SORCS3: variants seen among roughly 807,000 people sequenced by gnomAD.
SORCS3 encodes VPS10 domain-containing receptor SorCS3.
Under a neutral mutation model 146.3 loss-of-function variants are expected in SORCS3, and 57 were observed. The ratio of observed to expected loss-of-function variants is 0.39; its 90% CI spans 0.31 to 0.49. The LOEUF (loss-of-function observed/expected upper bound fraction) is 0.49. SORCS3 is among the 20% of genes least tolerant of loss of function. The pLI, the probability that SORCS3 is intolerant of heterozygous loss-of-function variation, is 0.92. For missense variants in SORCS3, 1,341 were observed against 1,575.5 expected (o/e 0.85, Z 2.52); for synonymous variants, 653 against 618.5 (o/e 1.06, Z -0.83).
intron 8 of SORCS3, among the ~76,000 whole-genome samples, chr10:105,145,699 C>CT (rs940527054): frequency 6.6e-5 from 10 of 152,124 alleles, no homozygotes; most frequent in Admixed American, 5.2e-4. Context: ...TAAGAGTAAG[C>CT]TTTTTTTCCC....
At chr10:104,688,577 C>T (rs1009426666) in intron 1 of SORCS3, among the ~76,000 whole-genome samples, 1 of 152,216 alleles carries the variant, frequency 6.6e-6, no homozygotes, top group African/African-American at 2.4e-5. Flanking sequence ...CGTTCTCACC[C>T]CTAATGGGTG....
At chr10:105,067,485 C>A (rs1352288045) in intron 5 of SORCS3, among the ~76,000 whole-genome samples, 8 of 152,222 alleles carry the variant, frequency 5.3e-5, no homozygotes, top group Admixed American at 5.2e-4. Context: ...TGAGAGTGTG[C>A]CACTGCACTC....
intron 1 of SORCS3, among the ~76,000 whole-genome samples, chr10:104,770,861 A>G (rs76138229): frequency 1.3e-5 from 2 of 152,164 alleles, no homozygotes; most frequent in East Asian, 3.9e-4. Context: ...AGAAATGAAA[A>G]CAGTTGAAAT....
At chr10:105,033,918 A>C (rs2055287422) in intron 4 of SORCS3, among the ~76,000 whole-genome samples, 1 of 152,108 alleles carries the variant, frequency 6.6e-6, no homozygotes, top group African/African-American at 2.4e-5. Context: ...GATTTTTTTC[A>C]GGTAGAAAGA....
intron 1 of SORCS3, among the ~76,000 whole-genome samples, chr10:104,787,659 G>C (rs1333516315): frequency 6.6e-6 from 1 of 152,100 alleles, no homozygotes; most frequent in Non-Finnish European, 1.5e-5. Flanking sequence ...ACATCATGAT[G>C]TTCTCCCATG....
intron 1 of SORCS3, among the ~76,000 whole-genome samples, chr10:104,755,715 G>A (rs1564676188): frequency 6.6e-6 from 1 of 152,184 alleles, no homozygotes; most frequent in East Asian, 1.9e-4. Context: ...ATTCAGGCCA[G>A]CCAAGTTTTG....
chr10:105,050,240 A>G (rs1180261078), intron 5 of SORCS3, among the ~76,000 whole-genome samples: 2 of 152,018 alleles, frequency 1.3e-5, no homozygotes, highest in Non-Finnish European at 2.9e-5. Context: ...CTGCCAGTCT[A>G]TGGTGTTCTC....
intron 2 of SORCS3, among the ~76,000 whole-genome samples, chr10:104,887,449 T>C (rs77360051): frequency 0.018 from 2,759 of 152,218 alleles, 44 homozygotes; most frequent in Non-Finnish European, 0.03. Flanking sequence ...ACTAAAGATA[T>C]AGTTACTGAT....
At chr10:104,646,831 G>A (rs1366035583) in intron 1 of SORCS3, among the ~76,000 whole-genome samples, 1 of 152,102 alleles carries the variant, frequency 6.6e-6, no homozygotes, top group Non-Finnish European at 1.5e-5. Flanking sequence ...AAGCAGAACT[G>A]GCTCTGTGGG....
chr10:105,152,990 C>G (rs1206715784), intron 9 of SORCS3, among the ~76,000 whole-genome samples: 1 of 151,400 alleles, frequency 6.6e-6, no homozygotes, highest in African/African-American at 2.4e-5. Flanking sequence ...TAAAATTTAC[C>G]CTTTTAGTAT....
At chr10:104,952,126 C>T (rs1433236478) in intron 3 of SORCS3, among the ~76,000 whole-genome samples, 5 of 151,476 alleles carry the variant, frequency 3.3e-5, no homozygotes. Flanking sequence ...GCATTGACAT[C>T]ACCTGAGAGC....
intron 4 of SORCS3, among the ~76,000 whole-genome samples, chr10:104,995,546 T>C (rs543713425): frequency 3.9e-5 from 6 of 152,320 alleles, no homozygotes; most frequent in African/African-American, 1.4e-4. Context: ...TGAACATCTT[T>C]TCATGCACTT....
At chr10:105,248,748 G>T (rs1435264262) in intron 22 of SORCS3, among the ~76,000 whole-genome samples, 19 of 151,696 alleles carry the variant, frequency 1.3e-4, no homozygotes, top group Non-Finnish European at 1.5e-4. Context: ...AACATATTTG[G>T]GAAATGGCAA....
rs1368338619 is a variant in SORCS3 at position 104,697,179 on chromosome 10, T to C, written c.627+55225T>C. Reference sequence around the variant, plus strand: ...GAATAAATAAATAAACGATCCCTGATAGATATCCATGTTGTTTCTAGCTGT... The same window carrying C: ...GAATAAATAAATAAACGATCCCTGACAGATATCCATGTTGTTTCTAGCTGT... On this transcript the variant is annotated intron_variant, in intron 1 of 26. Transcript: ENST00000369701. Among the ~76,000 whole-genome samples the C allele has an allele frequency of 2.6e-5, 4 of 152,318 alleles. 1 individual carries two copies. The highest frequency in any genetic ancestry group is 2.6e-4 in the Admixed American group (4 of 15,286).
At chr10:105,072,066 A>G (rs994533536) in intron 5 of SORCS3, among the ~76,000 whole-genome samples, 1 of 152,148 alleles carries the variant, frequency 6.6e-6, no homozygotes, top group East Asian at 1.9e-4. Flanking sequence ...TAAGCAGGAT[A>G]TTACTGAGAT....
At chr10:104,758,457 G>A (rs1302591950) in intron 1 of SORCS3, among the ~76,000 whole-genome samples, 2 of 152,092 alleles carry the variant, frequency 1.3e-5, no homozygotes, top group East Asian at 3.9e-4. Context: ...ATAAAGTATG[G>A]CACAGCCTTG....
chr10:105,098,813 A>T lies in SORCS3; in HGVS notation c.1094-6584A>T, dbSNP rs368050086. Among the ~76,000 whole-genome samples the T allele has an allele frequency of 2.7e-4, 41 of 152,340 alleles. No individual in the cohort carries two copies. In the South Asian group the frequency reaches 8.5e-3, roughly 32 times the overall value. On this transcript the variant is annotated intron_variant, in intron 6 of 26. Transcript: ENST00000369701. ...TCATATAGTCATCCTATTCAGGGTC[A>T]GTTTATTTAGCAGGTACAGTGGAAA...
chr10:105,260,677 C>T (rs371578322), intron 25 of SORCS3, among the ~76,000 whole-genome samples: 9 of 152,150 alleles, frequency 5.9e-5, no homozygotes, highest in East Asian at 5.8e-4. Flanking sequence ...TAAGTGCTTC[C>T]ACATTTCGCA....
chr10:104,645,453 G>C (rs558945700), intron 1 of SORCS3, among the ~76,000 whole-genome samples: 2 of 152,294 alleles, frequency 1.3e-5, no homozygotes, highest in Admixed American at 1.3e-4. Flanking sequence ...CTCCTTCTTG[G>C]ATTAACCCTT....
Sources: allele counts gnomAD v4.1 joint callset (sites outside exome capture counted in the v4.1 genomes callset), GRCh38; gene constraint gnomAD v4.1.1; transcripts MANE v1.5; gene names NCBI Gene and HGNC (gene_info 2026-07-23, HGNC 2026-07-21).